PPP6C: variants seen among roughly 807,000 people sequenced by gnomAD.
PPP6C encodes the protein protein phosphatase 6 catalytic subunit, also known as serine/threonine-protein phosphatase 6 catalytic subunit.
In PPP6C, 11 loss-of-function variants were observed where a neutral mutation model predicts 39.8. The observed-to-expected ratio is 0.28, with a 90% CI of 0.17 to 0.46. PPP6C has a LOEUF of 0.46. Among genes scored for constraint, PPP6C ranks in the 20% least tolerant of loss-of-function variants. The probability of loss-of-function intolerance (pLI) is 1.00; values close to 1 mark genes in which losing one functional copy is unlikely to be tolerated. For missense variants in PPP6C, 211 were observed against 373.9 expected (o/e 0.56, Z 3.59); for synonymous variants, 129 against 130.3 (o/e 0.99, Z 0.07).
intron 1 of PPP6C, among the ~76,000 whole-genome samples, chr9:125,183,443 C>A (rs1348162598): frequency 1.3e-5 from 2 of 152,148 alleles, no homozygotes; most frequent in African/African-American, 4.8e-5. Flanking sequence ...TAATAATTTT[C>A]TTTGAATCTA....
At position 125,189,777 on chromosome 9, in the gene PPP6C, A is replaced by C; in HGVS notation, c.-59T>G. The C allele has an allele frequency of 2.6e-6, 4 of 1,532,718 alleles. No individual in the cohort carries two copies. Among genetic ancestry groups the C allele is most frequent in the Non-Finnish European group, 3.5e-6 (4 of 1,139,716 alleles). The allele number at this position is 1,532,718 out of a possible 1,614,324, so 94.9% of individuals were successfully genotyped here. On this transcript the variant is annotated 5_prime_UTR_variant, in exon 1 of 7. Coordinates refer to ENST00000373547, the MANE Select transcript of PPP6C (RefSeq NM_002721.5). ...CGGCGGCTGTAGCAGCGGCGGCGGC[A>C]GCGGCGGAGGCCGAAGCCGGAACTT...
intron 4 of PPP6C, among the ~76,000 whole-genome samples, chr9:125,155,700 G>C (rs1836051151): frequency 6.6e-6 from 1 of 152,068 alleles, no homozygotes; most frequent in Non-Finnish European, 1.5e-5. Flanking sequence ...TCAGGAGATT[G>C]AGACCATCCT....
At chr9:125,159,815 A>G (rs1168182616) in intron 3 of PPP6C, among the ~76,000 whole-genome samples, 1 of 152,200 alleles carries the variant, frequency 6.6e-6, no homozygotes, top group Non-Finnish European at 1.5e-5. Context: ...CGAGTTCAAG[A>G]GATCCAGACC....
At chr9:125,169,251 C>T (rs532624006) in intron 2 of PPP6C, among the ~76,000 whole-genome samples, 1 of 152,322 alleles carries the variant, frequency 6.6e-6, no homozygotes, top group East Asian at 1.9e-4. Context: ...ATAATCCTAT[C>T]TCACAGGACT....
intron 1 of PPP6C, among the ~76,000 whole-genome samples, chr9:125,188,760 G>A (rs1474832783): frequency 2.0e-5 from 3 of 148,664 alleles, no homozygotes; most frequent in African/African-American, 7.5e-5. Flanking sequence ...CTCCAGCCTG[G>A]GTGACAGAGT....
chr9:125,171,250 G>T, intron 1 of PPP6C, 70 bp from the exon 2 acceptor site: 1 of 1,241,910 alleles, frequency 8.1e-7, no homozygotes, highest in South Asian at 1.4e-5. Flanking sequence ...TACCAAAAAA[G>T]AAAAATACCA....
chr9:125,153,828 T>C, intron 5 of PPP6C, 78 bp downstream of exon 5: 2 of 1,526,700 alleles, frequency 1.3e-6, no homozygotes, highest in Non-Finnish European at 1.8e-6. Context: ...ATCAATATAA[T>C]TGAGATGACA....
chr9:125,152,276 C>A (rs1275993056), intron 6 of PPP6C, among the ~76,000 whole-genome samples: 2 of 152,066 alleles, frequency 1.3e-5, no homozygotes, highest in African/African-American at 4.8e-5. Flanking sequence ...CCTTTCCTGG[C>A]CAAAGATCCT....
rs1554724110 is a variant in PPP6C, at chr9:125,189,761, T to TAGC, written c.-46_-44dup. 4.5e-5 allele frequency: 70 copies of TAGC among 1,545,436 alleles called. No homozygotes were observed. In the South Asian group the frequency reaches 7.7e-4, roughly 17 times the overall value. On this transcript the variant is annotated 5_prime_UTR_variant, in exon 1 of 7. Coordinates refer to ENST00000373547, the MANE Select transcript of PPP6C (RefSeq NM_002721.5). The stretch of plus-strand genomic sequence containing the variant: ...GCGGCAACAGCGGCGGCGGCGGCTG[T>TAGC]AGCAGCGGCGGCGGCAGCGGCGGAG...
In PPP6C at chr9:125,147,396, CAT is replaced by C. The variant is rs1271604460; in HGVS notation, c.*2275_*2276del. ...TATGACTTGCAAGTATCTTCCACCA[CAT>C]GATAACTCTATATAGTACATATAGT... is the stretch of plus-strand genomic sequence containing the variant. On this transcript the variant is annotated 3_prime_UTR_variant, in exon 7 of 7. Transcript: ENST00000373547. The C allele has an allele frequency of 6.6e-6, 1 of 152,210 alleles. No individual in the cohort carries two copies. Among genetic ancestry groups the C allele is most frequent in the Non-Finnish European group, 1.5e-5 (1 of 68,032 alleles). 9.4% of individuals were successfully genotyped at this position (152,210 alleles called of 1,614,324 possible).
chr9:125,164,572 A>T (rs1828971737), intron 2 of PPP6C, among the ~76,000 whole-genome samples: 1 of 152,044 alleles, frequency 6.6e-6, no homozygotes, highest in Admixed American at 6.6e-5. Flanking sequence ...ATTTTAAACC[A>T]AAAACAATCT....
At chr9:125,158,596 A>C (rs1836137656) in intron 3 of PPP6C, among the ~76,000 whole-genome samples, 1 of 152,148 alleles carries the variant, frequency 6.6e-6, no homozygotes, top group Non-Finnish European at 1.5e-5. Context: ...TTCCAGGGAA[A>C]TCTACAAGAA....
chr9:125,167,379 C>CAAAAAAAAAAAAAAAAAAAAAAAAAAAAA (rs758123351), intron 2 of PPP6C, among the ~76,000 whole-genome samples: 2 of 56,084 alleles, frequency 3.6e-5, no homozygotes, highest in African/African-American at 1.5e-4. Flanking sequence ...AGACCCTGTC[C>CAAAAAAAAAAAAAAAAAAAAAAAAAAAAA]AAAAAAAAAA....
At chr9:125,157,015 A>G (rs546718034) in intron 4 of PPP6C, among the ~76,000 whole-genome samples, 1 of 152,014 alleles carries the variant, frequency 6.6e-6, no homozygotes, top group Admixed American at 6.6e-5. Flanking sequence ...GTTCTAGGGT[A>G]CATGTGCACA....
intron 1 of PPP6C, among the ~76,000 whole-genome samples, chr9:125,177,904 T>C (rs527288150): frequency 6.6e-6 from 1 of 152,362 alleles, no homozygotes; most frequent in East Asian, 1.9e-4. Context: ...ATCATATATA[T>C]GTAGCCTTTT....
intron 6 of PPP6C, 143 bp downstream of exon 6, chr9:125,153,390 A>G (rs546532855): frequency 1.3e-6 from 1 of 748,960 alleles, no homozygotes; most frequent in South Asian, 1.9e-5. Context: ...GACATACGTT[A>G]ATAACTAAAC....
At position 125,150,778 on chromosome 9, in the gene PPP6C, T is replaced by C. The variant is rs1564144828; in HGVS notation, c.670-857A>G. 16 of 719,162 alleles carry C rather than the reference T, an allele frequency of 2.2e-5. 1 individual carries two copies. Among genetic ancestry groups the C allele is most frequent in the Middle Eastern group, 2.5e-4 (1 of 3,964 alleles). The allele number at this position is 719,162 out of a possible 1,614,324, so 44.5% of individuals were successfully genotyped here. ...AGCAACTAGGAGACCTGTGTGGAAATTGGCAAAAGTGTACGTGGAAAGGAT... is the reference window on the plus strand; with the variant it reads ...AGCAACTAGGAGACCTGTGTGGAAACTGGCAAAAGTGTACGTGGAAAGGAT... On this transcript the variant is annotated intron_variant, in intron 6 of 6. Coordinates refer to ENST00000373547, the MANE Select transcript of PPP6C (RefSeq NM_002721.5).
intron 1 of PPP6C, chr9:125,171,921 C>G (rs1324546377): frequency 2.1e-6 from 1 of 466,034 alleles, no homozygotes; most frequent in East Asian, 6.9e-5. Context: ...TTTGACCCAG[C>G]AACTGTAGTC....
chr9:125,151,500 T>G, intron 6 of PPP6C: 1 of 790,628 alleles, frequency 1.3e-6, no homozygotes, highest in Non-Finnish European at 2.3e-6. Flanking sequence ...AAAATACAGG[T>G]GATCAACATC....
Sources: gnomAD v4.1 joint callset for allele counts (sites outside exome capture counted in the v4.1 genomes callset) on GRCh38, gnomAD v4.1.1 for gene constraint, MANE v1.5 for transcripts, NCBI Gene and HGNC (gene_info 2026-07-23, HGNC 2026-07-21) for gene names.